Variants in VPS33A observed in about 807,000 individuals in gnomAD.
VPS33A encodes VPS33A core subunit of CORVET and HOPS complexes.
In VPS33A, 32 loss-of-function variants were observed where a neutral mutation model predicts 71.8. The observed-to-expected ratio is 0.45, with a 90% CI of 0.34 to 0.60. The LOEUF (loss-of-function observed/expected upper bound fraction) is 0.60, where lower values mean the gene tolerates loss of function less well. Ranked by LOEUF, VPS33A falls within the 20% of genes least tolerant of loss-of-function variation. The pLI is 0.02. For missense variants in VPS33A, 625 were observed against 748.5 expected, an observed-to-expected ratio of 0.84 and a Z score of 1.92; for synonymous variants, 311 against 292.7, an observed-to-expected ratio of 1.06 and a Z score of -0.64.
At chr12:122,244,408 C>T (rs1269855426) in intron 7 of VPS33A, among the ~76,000 whole-genome samples, 161 bp downstream of exon 7, 1 of 152,166 alleles carries the variant, frequency 6.6e-6, no homozygotes, top group Admixed American at 6.5e-5. Context: ...AAAATGAAAA[C>T]CTCGGATCTT....
At position 122,250,968 on chromosome 12, in the gene VPS33A, G is replaced by T. The variant is rs781658349; in HGVS notation, c.600+15C>A. 1 of 1,601,102 alleles carries T rather than the reference G, an allele frequency of 6.2e-7. No homozygotes were observed. Among genetic ancestry groups the T allele is most frequent in the African/African-American group, 1.3e-5 (1 of 74,672 alleles). The stretch of plus-strand genomic sequence containing the variant: ...AAGGGCCCTCCTTTACCACCACAAA[G>T]CAGCCGGTTCTCACCCGAGCGCATT... On this transcript the variant is annotated intron_variant, in intron 5 of 12. Coordinates refer to ENST00000267199, the MANE Select transcript of VPS33A (RefSeq NM_022916.6).
intron 7 of VPS33A, among the ~76,000 whole-genome samples, chr12:122,243,067 G>A (rs1566042038): frequency 1.3e-5 from 2 of 152,158 alleles, no homozygotes; most frequent in Admixed American, 1.3e-4. Context: ...GTCTTCCAAT[G>A]TACCAGCTTA....
At chr12:122,262,603 C>CTTTT (rs5801474) in intron 3 of VPS33A, among the ~76,000 whole-genome samples, 39 of 138,546 alleles carry the variant, frequency 2.8e-4, no homozygotes, top group African/African-American at 5.6e-4. Context: ...ATTTAATCAG[C>CTTTT]TTTTTTTTTT....
At chr12:122,238,177 C>T (rs1257116250) in intron 10 of VPS33A, among the ~76,000 whole-genome samples, 1 of 152,088 alleles carries the variant, frequency 6.6e-6, no homozygotes. Flanking sequence ...TTACAAGATA[C>T]CAAAATGGCA....
intron 5 of VPS33A, 184 bp from the exon 6 acceptor site, chr12:122,250,229 A>G (rs1007082004): frequency 3.1e-5 from 18 of 586,682 alleles, no homozygotes; most frequent in Non-Finnish European, 3.5e-5. Context: ...CACTTGCACC[A>G]AGGCAGCTGC....
chr12:122,261,528 G>A, intron 3 of VPS33A, 81 bp from the exon 4 acceptor site: 4 of 1,263,370 alleles, frequency 3.2e-6, no homozygotes, highest in Admixed American at 2.0e-5. Context: ...CCACTGCCTG[G>A]CACATAGCAG....
intron 4 of VPS33A, among the ~76,000 whole-genome samples, chr12:122,260,393 G>A (rs888133318): frequency 3.3e-5 from 5 of 151,444 alleles, no homozygotes; most frequent in African/African-American, 9.7e-5. Flanking sequence ...TCCACCTCCC[G>A]GGTTCAAGTG....
intron 6 of VPS33A, among the ~76,000 whole-genome samples, 185 bp from the exon 7 acceptor site, chr12:122,244,947 C>A (rs1414278505): frequency 6.6e-6 from 1 of 152,228 alleles, no homozygotes; most frequent in African/African-American, 2.4e-5. Flanking sequence ...ACTGATACCA[C>A]AGTTCTCATT....
intron 11 of VPS33A, 81 bp downstream of exon 11, chr12:122,235,705 T>C: frequency 6.8e-7 from 1 of 1,475,252 alleles, no homozygotes. Flanking sequence ...AAGGCAGATG[T>C]GTAGGTTCAG....
intron 3 of VPS33A, among the ~76,000 whole-genome samples, chr12:122,262,897 G>A (rs1592933815): frequency 6.6e-6 from 1 of 151,968 alleles, no homozygotes; most frequent in South Asian, 2.1e-4. Context: ...TTTTGATGTG[G>A]GCATGCAATG....
intron 11 of VPS33A, 118 bp from the exon 12 acceptor site, chr12:122,233,086 C>A: frequency 8.8e-7 from 1 of 1,136,132 alleles, no homozygotes; most frequent in Non-Finnish European, 1.2e-6. Flanking sequence ...ACAACCCCCA[C>A]CCCTGCCATG....
At chr12:122,262,462 T>C (rs1007302639) in intron 3 of VPS33A, among the ~76,000 whole-genome samples, 1 of 152,146 alleles carries the variant, frequency 6.6e-6, no homozygotes, top group Non-Finnish European at 1.5e-5. Context: ...CCACTCCTAC[T>C]CTCCTTGACA....
Position 122,230,643 on chromosome 12 carries a change from T to C in VPS33A, c.*1603A>G, listed in dbSNP as rs1055515260. On this transcript the variant is annotated 3_prime_UTR_variant, in exon 13 of 13. Coordinates refer to ENST00000267199, the MANE Select transcript of VPS33A (RefSeq NM_022916.6). ...ATGAAAAAGGTGGGGAAAAACAATG[T>C]GTGGTTACTAATCAACAACCAAAAT... is the stretch of plus-strand genomic sequence containing the variant. 3 of 152,154 alleles carry C rather than the reference T, an allele frequency of 2.0e-5. No individual in the cohort carries two copies. The highest frequency in any genetic ancestry group is 4.4e-5 in the Non-Finnish European group (3 of 68,030). The allele number at this position is 152,154 out of a possible 1,614,324, so 9.4% of individuals were successfully genotyped here.
intron 4 of VPS33A, among the ~76,000 whole-genome samples, chr12:122,254,407 T>TC (rs1252461593): frequency 2.7e-5 from 1 of 37,196 alleles, no homozygotes; most frequent in East Asian, 2.5e-3. Flanking sequence ...CCCCCCGCCT[T>TC]TTTTTTTTTT....
rs754626714 is a variant in VPS33A, at chr12:122,235,856, G to A, written c.1370C>T (p.Thr457Met). Residue 457 changes from threonine to methionine, a missense_variant, in exon 11 of 13, where the codon ACG becomes ATG. Transcript: ENST00000267199. ...AGTTGGGTAATTGTTTCTGCCCCCC[G>A]TCTGCGGTTTCAGCAGGCCGGCCTT... ...LEKAGLLKPQ[T>M]GGRNNYPTIR... 35 of 1,613,612 alleles carry A rather than the reference G, an allele frequency of 2.2e-5. No homozygotes were observed. The highest frequency in any genetic ancestry group is 3.3e-5 in the South Asian group (3 of 90,984).
At chr12:122,233,566 G>A (rs1312598614) in intron 11 of VPS33A, among the ~76,000 whole-genome samples, 2 of 152,176 alleles carry the variant, frequency 1.3e-5, no homozygotes, top group African/African-American at 2.4e-5. Flanking sequence ...CTCCCTAGCT[G>A]AGCAATGATG....
At chr12:122,242,313 G>A in intron 8 of VPS33A, 69 bp downstream of exon 8, 1 of 1,573,310 alleles carries the variant, frequency 6.4e-7, no homozygotes, top group Non-Finnish European at 8.7e-7. Context: ...TGGTGTTGAT[G>A]ACCTAGGTGT....
rs1277624870 is a variant in VPS33A at position 122,257,672 on chromosome 12, C to CA, written c.483+3588dup. Reference sequence around the variant, plus strand: ...TGGGTGACAGTGTGAGACTCCATCTCAAAAAAAAAAAGATTTTCTTCTTTG... The same window carrying CA: ...TGGGTGACAGTGTGAGACTCCATCTCAAAAAAAAAAAAGATTTTCTTCTTTG... On this transcript the variant is annotated intron_variant, in intron 4 of 12. Coordinates refer to ENST00000267199, the MANE Select transcript of VPS33A (RefSeq NM_022916.6). Among the ~76,000 whole-genome samples, 89 of 137,420 alleles carry CA rather than the reference C, an allele frequency of 6.5e-4. 1 individual carries two copies. Among genetic ancestry groups the CA allele is most frequent in the Admixed American group, 1.0e-3 (14 of 13,658 alleles). The allele number at this position is 137,420 out of a possible 152,430, so 90.2% of individuals were successfully genotyped here. A position where few individuals can be genotyped will look rare whatever the true frequency, so the allele number is the denominator to read the frequency against.
intron 8 of VPS33A, among the ~76,000 whole-genome samples, chr12:122,241,303 TTTTC>T (rs927570640): frequency 4.6e-5 from 7 of 152,084 alleles, no homozygotes; most frequent in Non-Finnish European, 8.8e-5. Flanking sequence ...CTCTTTCTCT[TTTTC>T]TTTCTTTCGT....
Sources: gnomAD v4.1 joint callset for allele counts (sites outside exome capture counted in the v4.1 genomes callset) on GRCh38, gnomAD v4.1.1 for gene constraint, MANE v1.5 for transcripts, NCBI Gene and HGNC (gene_info 2026-07-23, HGNC 2026-07-21) for gene names.